Variants in ZNF514 observed in about 807,000 individuals in gnomAD.
ZNF514 encodes zinc finger protein 514.
ZNF514 carries 12 observed loss-of-function variants against 9.7 expected under a neutral mutation model. The ratio of observed to expected loss-of-function variants is 1.24; its 90% confidence interval spans 0.79 to 2.01. The LOEUF is 2.01. Ranked by LOEUF, ZNF514 falls within the 30% of genes most tolerant of loss-of-function variation. ZNF514 has a pLI of 0.00. For missense variants in ZNF514, 467 were observed against 465.5 expected (o/e 1.00, Z -0.03); for synonymous variants, 158 against 163.7 (o/e 0.97, Z 0.27).
intron 1 of ZNF514, among the ~76,000 whole-genome samples, 195 bp from the exon 2 acceptor site, chr2:95,157,634 T>A (rs1673723563): frequency 1.3e-5 from 2 of 152,178 alleles, no homozygotes; most frequent in Admixed American, 1.3e-4. Context: ...CACAGCTGCA[T>A]GAGGCTCCCA....
At chr2:95,125,776 C>T in the ZNF514 span, among the ~76,000 whole-genome samples, 85 of 152,278 alleles carry the variant, frequency 5.6e-4, no homozygotes, top group East Asian at 0.014. Flanking sequence ...CCAGGTATAG[C>T]GTGTGCCAGA....
chr2:95,130,020 C>A, the ZNF514 span, among the ~76,000 whole-genome samples: 2 of 152,040 alleles, frequency 1.3e-5, no homozygotes, highest in Non-Finnish European at 2.9e-5. Context: ...AGGAGGATAT[C>A]GGGGGACCTG....
At chr2:95,139,008 G>T in the ZNF514 span, among the ~76,000 whole-genome samples, 2 of 152,246 alleles carry the variant, frequency 1.3e-5, no homozygotes, top group African/African-American at 4.8e-5. Flanking sequence ...AAGGGGCTCA[G>T]GTACAGCTCA....
rs1398110451 is a variant in ZNF514, at chr2:95,159,619, GCCACC to G, written c.-480_-476del. ...CGCCACCCCGCGCCAGCCCCCGCCCGCCACCCCGCGCCAGCCCCCGCCCGCCACCC... is the reference window on the plus strand; with the variant it reads ...CGCCACCCCGCGCCAGCCCCCGCCCGCCGCGCCAGCCCCCGCCCGCCACCC... On this transcript the variant is annotated 5_prime_UTR_variant, in exon 1 of 5. Transcript: ENST00000295208. 3.5e-4 allele frequency: 13 copies of G among 36,916 alleles called. No homozygotes were observed. Among genetic ancestry groups the G allele is most frequent in the African/African-American group, 1.2e-3 (13 of 10,920 alleles). The allele number at this position is 36,916 out of a possible 1,614,324, so 2.3% of individuals were successfully genotyped here.
At chr2:95,157,484 A>G (rs1673719965) in intron 1 of ZNF514, 45 bp from the exon 2 acceptor site, 1 of 1,169,134 alleles carries the variant, frequency 8.6e-7, no homozygotes. Flanking sequence ...CCCAGCCAGC[A>G]CACACAGCTC....
intron 4 of ZNF514, among the ~76,000 whole-genome samples, chr2:95,151,567 G>A (rs376064417): frequency 1.3e-4 from 20 of 152,328 alleles, no homozygotes; most frequent in East Asian, 7.7e-4. Flanking sequence ...ATGAGTTTGT[G>A]TTGTTTAAAG....
the ZNF514 span, among the ~76,000 whole-genome samples, chr2:95,125,050 T>C: frequency 5.3e-5 from 8 of 150,792 alleles, no homozygotes; most frequent in African/African-American, 2.0e-4. Context: ...CAGCTAATTT[T>C]TGTATTTTTG....
downstream of ZNF514, among the ~76,000 whole-genome samples, chr2:95,140,586 C>G (rs927758913): frequency 6.6e-6 from 1 of 151,586 alleles, no homozygotes; most frequent in African/African-American, 2.4e-5. Flanking sequence ...GCACTCCAAC[C>G]CGGTTGACGG....
chr2:95,129,861 A>C, the ZNF514 span, among the ~76,000 whole-genome samples: 1 of 152,192 alleles, frequency 6.6e-6, no homozygotes, highest in Non-Finnish European at 1.5e-5. Flanking sequence ...GGGAACTCTT[A>C]AGAACAGTGA....
the ZNF514 span, among the ~76,000 whole-genome samples, chr2:95,132,403 A>G: frequency 6.6e-6 from 1 of 152,192 alleles, no homozygotes; most frequent in Non-Finnish European, 1.5e-5. Context: ...GGGAAATGCA[A>G]ATCAAACCCA....
the ZNF514 span, among the ~76,000 whole-genome samples, chr2:95,132,598 A>C: frequency 2.0e-5 from 3 of 152,072 alleles, no homozygotes; most frequent in African/African-American, 7.2e-5. Context: ...GGCCAGGCAC[A>C]GTGGCTCACA....
the ZNF514 span, among the ~76,000 whole-genome samples, chr2:95,130,439 G>A: frequency 6.6e-6 from 1 of 152,174 alleles, no homozygotes; most frequent in Non-Finnish European, 1.5e-5. Context: ...AAATTTATTA[G>A]GTGGGAATTT....
Position 95,150,209 on chromosome 2 carries a change from T to C in ZNF514, c.276A>G (p.Glu92=). Reference sequence around the variant, plus strand: ...CCACTGATACTACCTGGAATAATTCTTCTTTGGAAATTCCCCAACTTGGCA... The same window carrying C: ...CCACTGATACTACCTGGAATAATTCCTCTTTGGAAATTCCCCAACTTGGCA... The part of the protein sequence containing the change: ...ESMPSWGISK[E]ELFQVVSVEK... The change falls in exon 5 of 5, where the codon GAA becomes GAG. Residue 92 remains glutamate (E), a synonymous_variant. Coordinates refer to ENST00000295208, the MANE Select transcript of ZNF514 (RefSeq NM_032788.3). 1.9e-6 allele frequency: 3 copies of C among 1,605,156 alleles called. No homozygotes were observed. Among genetic ancestry groups the C allele is most frequent in the South Asian group, 1.1e-5 (1 of 90,884 alleles).
chr2:95,135,147 T>C, the ZNF514 span, among the ~76,000 whole-genome samples: 2 of 152,342 alleles, frequency 1.3e-5, no homozygotes, highest in Non-Finnish European at 2.9e-5. Flanking sequence ...GGGATTCTTA[T>C]AGGGATTGCC....
In ZNF514 at chr2:95,149,978, T is replaced by C. The variant is rs1558700537; in HGVS notation, c.507A>G (p.Gln169=). ...SLGLRSVLVN[Q]HSILMGEGSY... is the part of the protein sequence containing the mutation. ...ATCCTTCTCCCATGAGAATGCTGTG[T>C]TGGTTAACAAGGACTGATCTTAAAC... The change falls in exon 5 of 5, where the codon CAA becomes CAG. Residue 169 remains glutamine, a synonymous_variant. Transcript: ENST00000295208. 1.2e-6 allele frequency: 2 copies of C among 1,614,126 alleles called. No homozygotes were observed. Among genetic ancestry groups the C allele is most frequent in the East Asian group, 2.2e-5 (1 of 44,906 alleles).
the ZNF514 span, among the ~76,000 whole-genome samples, chr2:95,136,072 AAAATT>A: frequency 6.6e-6 from 1 of 152,160 alleles, no homozygotes; most frequent in Non-Finnish European, 1.5e-5. Context: ...CAAAAAAATA[AAAATT>A]AAATTAATTA....
intron 1 of ZNF514, chr2:95,158,798 A>C (rs1573384121): frequency 8.0e-7 from 1 of 1,250,604 alleles, no homozygotes. Context: ...CTGCGGCTTC[A>C]GCCTTCTGGG....
At chr2:95,143,008 T>G (rs1673283797), downstream of ZNF514, among the ~76,000 whole-genome samples, 1 of 152,224 alleles carries the variant, frequency 6.6e-6, no homozygotes, top group Admixed American at 6.5e-5. Flanking sequence ...ACAGACATGG[T>G]AGAATAAGCT....
the ZNF514 span, among the ~76,000 whole-genome samples, chr2:95,123,917 G>A: frequency 6.6e-6 from 1 of 152,178 alleles, no homozygotes; most frequent in Non-Finnish European, 1.5e-5. Context: ...ATACAGATAG[G>A]AAGTTGCAAA....
Sources: gnomAD v4.1 joint callset for allele counts (sites outside exome capture counted in the v4.1 genomes callset) on GRCh38, gnomAD v4.1.1 for gene constraint, MANE v1.5 for transcripts, NCBI Gene and HGNC (gene_info 2026-07-23, HGNC 2026-07-21) for gene names.